PHYHD1: variants seen among roughly 807,000 people sequenced by gnomAD.
PHYHD1 encodes phytanoyl-CoA dioxygenase domain-containing protein 1.
In PHYHD1, 42 loss-of-function variants were observed where a neutral mutation model predicts 43.6. The observed-to-expected ratio is 0.96, with a 90% CI of 0.75 to 1.25. The LOEUF (loss-of-function observed/expected upper bound fraction) is 1.25, where lower values mean the gene tolerates loss of function less well. PHYHD1 is among the 50% of genes most tolerant of loss of function. The pLI is 0.00. For synonymous variants in PHYHD1, 139 were observed against 143.6 expected (o/e 0.97, Z 0.23); for missense variants, 342 against 370.8 (o/e 0.92, Z 0.64).
intron 9 of PHYHD1, 132 bp downstream of exon 9, chr9:128,937,910 A>G: frequency 6.5e-7 from 1 of 1,547,936 alleles, no homozygotes; most frequent in Non-Finnish European, 8.7e-7. Flanking sequence ...GGAGAGGAGG[A>G]GCCACCTTCC....
At chr9:128,939,757 C>T (rs1841510128) in intron 9 of PHYHD1, among the ~76,000 whole-genome samples, 1 of 119,376 alleles carries the variant, frequency 8.4e-6, no homozygotes, top group Non-Finnish European at 1.9e-5. Flanking sequence ...CGAGTTCAAG[C>T]AATTCTTCTG....
intron 3 of PHYHD1, among the ~76,000 whole-genome samples, chr9:128,925,373 C>T (rs1425936418): frequency 1.3e-5 from 2 of 151,478 alleles, no homozygotes; most frequent in Non-Finnish European, 2.9e-5. Flanking sequence ...TTACAGGTGC[C>T]CGCCACCGCA....
chr9:128,933,862 G>GGAGCTGGGGCCCTA lies in PHYHD1; in HGVS notation c.268+15_268+28dup, dbSNP rs771428036. 1 of 1,613,588 alleles carries GGAGCTGGGGCCCTA rather than the reference G, an allele frequency of 6.2e-7. No individual in the cohort carries two copies. The highest frequency in any genetic ancestry group is 2.2e-5 in the East Asian group (1 of 44,882). ...AAGGCGTTTTTGATGAGAAAGGTTTGGAGCTGGGGCCCTAGAGCTGGGGAG... is the reference window on the plus strand; with the variant it reads ...AAGGCGTTTTTGATGAGAAAGGTTTGGAGCTGGGGCCCTAGAGCTGGGGCCCTAGAGCTGGGGAG... On this transcript the variant is annotated splice_donor_region_variant and intron_variant, in intron 5 of 12. Transcript: ENST00000372592.
intron 6 of PHYHD1, among the ~76,000 whole-genome samples, 162 bp downstream of exon 6, chr9:128,934,220 T>G (rs933110686): frequency 6.6e-6 from 1 of 151,980 alleles, no homozygotes; most frequent in East Asian, 1.9e-4. Context: ...AAACCCCATC[T>G]CTACTAAAAA....
At chr9:128,923,655 T>A (rs183042112) in intron 3 of PHYHD1, among the ~76,000 whole-genome samples, 13 of 152,340 alleles carry the variant, frequency 8.5e-5, no homozygotes, top group African/African-American at 3.1e-4. Context: ...TATCCCCATA[T>A]GTATATGTAT....
chr9:128,927,079 T>G lies in PHYHD1; in HGVS notation c.75T>G (p.Ser25=). ...TCCTGGTGCTGGAAGGATTCTTGTCTGCGGAAGAGTGTGTGGCCATGCAAC... is the reference window on the plus strand; with the variant it reads ...TCCTGGTGCTGGAAGGATTCTTGTCGGCGGAAGAGTGTGTGGCCATGCAAC... ...DGFLVLEGFL[S]AEECVAMQQR... The change falls in exon 4 of 13, where the codon TCT becomes TCG. Residue 25 remains serine (S), a synonymous_variant. Transcript: ENST00000372592. The G allele has an allele frequency of 6.2e-7, 1 of 1,614,194 alleles. No individual in the cohort carries two copies. Among genetic ancestry groups the G allele is most frequent in the Non-Finnish European group, 8.5e-7 (1 of 1,180,022 alleles).
At chr9:128,933,599 G>A (rs1841352270) in intron 4 of PHYHD1, 183 bp from the exon 5 acceptor site, 3 of 712,094 alleles carry the variant, frequency 4.2e-6, no homozygotes, top group Non-Finnish European at 7.8e-6. Flanking sequence ...CATCTTTGGG[G>A]TGTGCTTCCA....
At chr9:128,935,683 C>A (rs1414514377) in intron 6 of PHYHD1, among the ~76,000 whole-genome samples, 1 of 152,058 alleles carries the variant, frequency 6.6e-6, no homozygotes, top group Non-Finnish European at 1.5e-5. Flanking sequence ...GCGGGTGGAT[C>A]ACGAGGTCAG....
chr9:128,940,254 C>G, intron 9 of PHYHD1, 115 bp from the exon 10 acceptor site: 1 of 1,467,560 alleles, frequency 6.8e-7, no homozygotes, highest in African/African-American at 1.4e-5. Flanking sequence ...TCTAACTGAT[C>G]ATGGGAAGGC....
chr9:128,940,728 A>G lies in PHYHD1; in HGVS notation c.703+13A>G. 1 of 1,610,720 alleles carries G rather than the reference A, an allele frequency of 6.2e-7. No individual in the cohort carries two copies. Among genetic ancestry groups the G allele is most frequent in the Non-Finnish European group, 8.5e-7 (1 of 1,178,430 alleles). ...CCAGTGCAGAGAGGTAGGCAGATGC[A>G]GAGGGCAGAGAGGCAGGGGGCTGAG... On this transcript the variant is annotated intron_variant, in intron 11 of 12. Transcript: ENST00000372592.
rs1369416970 is a variant in PHYHD1, at chr9:128,939,540, C to T, written c.458-829C>T. The stretch of plus-strand genomic sequence containing the variant: ...GTTGCAGTGAGCCAAGATCGTGCCA[C>T]TGCACTCCAGCCTGGGCGACAGAGC... On this transcript the variant is annotated intron_variant, in intron 9 of 12. Transcript: ENST00000372592. Among the ~76,000 whole-genome samples, 40 of 115,730 alleles carry T rather than the reference C, an allele frequency of 3.5e-4. 9 individuals carry two copies. Among genetic ancestry groups the T allele is most frequent in the Non-Finnish European group, 7.0e-4 (35 of 50,086 alleles). 75.9% of individuals were successfully genotyped at this position (115,730 alleles called of 152,430 possible). A position where few individuals can be genotyped will look rare whatever the true frequency, so the allele number is the denominator to read the frequency against.
chr9:128,941,421 C>G, intron 11 of PHYHD1, 24 bp from the exon 12 acceptor site: 12 of 1,611,040 alleles, frequency 7.4e-6, no homozygotes, highest in Non-Finnish European at 1.0e-5. Flanking sequence ...TGGTAGGTTC[C>G]TGACCTGCTT....
In PHYHD1 at chr9:128,936,107, A is replaced by G. The variant is rs917174225; in HGVS notation, c.317-341A>G. Reference sequence around the variant, plus strand: ...GACAGAAGAGGAAACTGAGGCTTACAGGAGAGAAATGGTTACCCGAGGCCA... The same window carrying G: ...GACAGAAGAGGAAACTGAGGCTTACGGGAGAGAAATGGTTACCCGAGGCCA... On this transcript the variant is annotated intron_variant, in intron 6 of 12. Transcript: ENST00000372592. Among the ~76,000 whole-genome samples the G allele has an allele frequency of 6.6e-5, 10 of 152,078 alleles. No individual in the cohort carries two copies. The South Asian group carries it at 1.9e-3, about 29-fold the overall frequency.
intron 3 of PHYHD1, among the ~76,000 whole-genome samples, chr9:128,923,955 T>A (rs566216450): frequency 6.6e-6 from 1 of 151,974 alleles, no homozygotes; most frequent in Non-Finnish European, 1.5e-5. Flanking sequence ...CTGTCTCTAC[T>A]AAAAATACAA....
chr9:128,932,854 TA>T (rs1841328259), intron 4 of PHYHD1, among the ~76,000 whole-genome samples: 2 of 143,354 alleles, frequency 1.4e-5, no homozygotes, highest in African/African-American at 2.8e-5. Context: ...TTTATTTATT[TA>T]TTTATTTTTT....
At chr9:128,926,703 C>T (rs1208851314) in intron 3 of PHYHD1, among the ~76,000 whole-genome samples, 1 of 151,712 alleles carries the variant, frequency 6.6e-6, no homozygotes. Flanking sequence ...GGACTACAGG[C>T]ATGCACCACC....
chr9:128,941,619 G>A, intron 12 of PHYHD1, 48 bp downstream of exon 12: 4 of 1,614,162 alleles, frequency 2.5e-6, no homozygotes, highest in South Asian at 1.1e-5. Context: ...CTGGAGGCTG[G>A]GAACAGTGAC....
chr9:128,931,818 C>T (rs1841284824), intron 4 of PHYHD1, among the ~76,000 whole-genome samples: 1 of 151,178 alleles, frequency 6.6e-6, no homozygotes, highest in East Asian at 1.9e-4. Context: ...TGAGCCACCT[C>T]GCCCGGCCTT....
chr9:128,933,881 T>G, intron 5 of PHYHD1, 24 bp downstream of exon 5: 1 of 1,611,726 alleles, frequency 6.2e-7, no homozygotes, highest in Non-Finnish European at 8.5e-7. Context: ...GCCCTAGAGC[T>G]GGGGAGGAGC....
Sources: gnomAD v4.1 joint callset for allele counts (sites outside exome capture counted in the v4.1 genomes callset) on GRCh38, gnomAD v4.1.1 for gene constraint, MANE v1.5 for transcripts, NCBI Gene and HGNC (gene_info 2026-07-23, HGNC 2026-07-21) for gene names.